TMTC1: variants seen among roughly 807,000 people sequenced by gnomAD.
TMTC1 encodes the protein transmembrane O-mannosyltransferase targeting cadherins 1, also known as protein O-mannosyl-transferase TMTC1.
A neutral mutation model predicts 104.8 loss-of-function variants in TMTC1; 73 were observed. That is an observed-to-expected ratio of 0.70 (90% CI 0.58 to 0.85). The LOEUF (loss-of-function observed/expected upper bound fraction) is 0.85, where lower values mean the gene tolerates loss of function less well. TMTC1 is among the 40% of genes least tolerant of loss of function. The probability of loss-of-function intolerance (pLI) is 0.00; values close to 1 mark genes in which losing one functional copy is unlikely to be tolerated. For missense variants in TMTC1, 1,035 were observed against 1,096.1 expected (o/e 0.94, Z 0.79); for synonymous variants, 434 against 428.7 (o/e 1.01, Z -0.15).
At chr12:29,765,161 T>C (rs1459225004) in intron 2 of TMTC1, among the ~76,000 whole-genome samples, 2 of 152,192 alleles carry the variant, frequency 1.3e-5, no homozygotes, top group Non-Finnish European at 1.5e-5. Context: ...TCATATTTTA[T>C]CCAAAAAGAA....
Position 29,783,512 on chromosome 12 carries a change from GC to G in TMTC1, c.239del (p.Gly80AlafsTer23). The G allele has an allele frequency of 7.0e-7, 1 of 1,437,002 alleles. No homozygotes were observed. 89.0% of individuals were successfully genotyped at this position (1,437,002 alleles called of 1,614,324 possible). A position where few individuals can be genotyped will look rare whatever the true frequency, so the allele number is the denominator to read the frequency against. On this transcript the variant is annotated frameshift_variant, in exon 1 of 18. Coordinates refer to ENST00000539277, the MANE Select transcript of TMTC1 (RefSeq NM_001193451.2). LOFTEE classifies it high-confidence loss of function. This position sits in a 1 kb window ranked among gnomAD's most constrained non-coding sequence, Gnocchi z 4.7. ...RWGIFTNDFW[G>X]KGMAENTSHK... ...GGCTGGTGTTCTCGGCCATGCCCTTGCCCCAGAAGTCGTTGGTGAAGATGCC... is the reference window on the plus strand; with the variant it reads ...GGCTGGTGTTCTCGGCCATGCCCTTGCCCAGAAGTCGTTGGTGAAGATGCC...
intron 5 of TMTC1, among the ~76,000 whole-genome samples, chr12:29,720,150 C>G (rs1392631165): frequency 6.6e-6 from 1 of 152,206 alleles, no homozygotes; most frequent in East Asian, 1.9e-4. Context: ...TGTTTGAACT[C>G]CATTCATGTG....
chr12:29,755,970 G>T, intron 3 of TMTC1, 85 bp from the exon 4 acceptor site: 2 of 1,366,294 alleles, frequency 1.5e-6, no homozygotes, highest in South Asian at 1.4e-5. Flanking sequence ...AAGATCTAAT[G>T]TCAATTTCAT....
chr12:29,741,154 T>A (rs1209529024), intron 5 of TMTC1, among the ~76,000 whole-genome samples: 3 of 152,216 alleles, frequency 2.0e-5, no homozygotes, highest in African/African-American at 4.8e-5. Flanking sequence ...TAATCTTTTT[T>A]AAATATTGAC....
chr12:29,671,455 T>C (rs1306296460), intron 5 of TMTC1, among the ~76,000 whole-genome samples: 1 of 152,158 alleles, frequency 6.6e-6, no homozygotes, highest in Admixed American at 6.5e-5. Context: ...AGAAGCAATA[T>C]AGAAAAAGCA....
At chr12:29,740,731 C>T (rs1342751677) in intron 5 of TMTC1, among the ~76,000 whole-genome samples, 2 of 152,138 alleles carry the variant, frequency 1.3e-5, no homozygotes, top group African/African-American at 2.4e-5. Context: ...CTCGGCCTTC[C>T]ATGGTGCTAG....
chr12:29,640,302 G>C (rs1025910128), intron 5 of TMTC1, among the ~76,000 whole-genome samples: 6 of 151,910 alleles, frequency 3.9e-5, no homozygotes, highest in African/African-American at 1.5e-4. Context: ...CGGCAGACAG[G>C]AGGCAGGAAC....
intron 5 of TMTC1, among the ~76,000 whole-genome samples, chr12:29,667,171 G>A (rs892773300): frequency 6.6e-6 from 1 of 152,180 alleles, no homozygotes. Context: ...TCTCTTTAAT[G>A]TACTTTCCTT....
intron 5 of TMTC1, among the ~76,000 whole-genome samples, chr12:29,700,415 C>A (rs553531881): frequency 1.3e-5 from 2 of 151,778 alleles, no homozygotes. Context: ...GTTGTCCAGG[C>A]GGGTCTCAAA....
Position 29,506,814 on chromosome 12 carries a change from A to G in TMTC1, c.*32T>C, listed in dbSNP as rs372067797. 6.8e-5 allele frequency: 110 copies of G among 1,613,344 alleles called. No individual in the cohort carries two copies. In the African/African-American group the frequency reaches 1.4e-3, roughly 20 times the overall value. On this transcript the variant is annotated 3_prime_UTR_variant, in exon 18 of 18. Transcript: ENST00000539277. ...ATCACTCCCCTTTCAGAGGCACCAC[A>G]TTATCCTATGAGGTTGGGTCAGACG...
At chr12:29,525,185 TTTTTTTTTTTTTTTTG>T in intron 11 of TMTC1, among the ~76,000 whole-genome samples, 1 of 62,858 alleles carries the variant, frequency 1.6e-5, no homozygotes, top group African/African-American at 1.1e-4. Flanking sequence ...TTTTTTTTTT[TTTTTTTTTTTTTTTTG>T]AGATGGAGTT....
At chr12:29,719,622 C>T (rs978572399) in intron 5 of TMTC1, among the ~76,000 whole-genome samples, 14 of 152,198 alleles carry the variant, frequency 9.2e-5, no homozygotes, top group African/African-American at 3.4e-4. Flanking sequence ...CAGGATGTCT[C>T]TCATTGACTC....
At chr12:29,621,995 G>T (rs1937699142) in intron 6 of TMTC1, among the ~76,000 whole-genome samples, 1 of 152,072 alleles carries the variant, frequency 6.6e-6, no homozygotes, top group Non-Finnish European at 1.5e-5. Context: ...CACAGCCTGT[G>T]ATTTGTGTTG....
intron 8 of TMTC1, among the ~76,000 whole-genome samples, chr12:29,572,737 G>A (rs909655477): frequency 3.3e-5 from 5 of 152,140 alleles, no homozygotes; most frequent in Admixed American, 2.0e-4. Context: ...AATTACAAAC[G>A]CTTTTCCTTC....
intron 5 of TMTC1, among the ~76,000 whole-genome samples, chr12:29,677,710 T>A (rs1940778235): frequency 6.6e-6 from 1 of 152,226 alleles, no homozygotes; most frequent in Non-Finnish European, 1.5e-5. Context: ...CCTCCCTGTG[T>A]CCGGCATATC....
chr12:29,706,484 A>G (rs1367181378), intron 5 of TMTC1, among the ~76,000 whole-genome samples: 1 of 152,216 alleles, frequency 6.6e-6, no homozygotes, highest in Non-Finnish European at 1.5e-5. Flanking sequence ...TGAATGAGCC[A>G]CAATGCTAAT....
intron 5 of TMTC1, among the ~76,000 whole-genome samples, chr12:29,678,842 C>G (rs891194832): frequency 1.3e-5 from 2 of 151,838 alleles, no homozygotes; most frequent in African/African-American, 4.8e-5. Flanking sequence ...ATATGGCTAC[C>G]ATGAAATGGA....
chr12:29,684,112 G>A (rs962076510), intron 5 of TMTC1, among the ~76,000 whole-genome samples: 3 of 152,166 alleles, frequency 2.0e-5, no homozygotes, highest in Non-Finnish European at 4.4e-5. Context: ...CCAAAGTGCT[G>A]CGATTACAGG....
intron 5 of TMTC1, among the ~76,000 whole-genome samples, chr12:29,646,138 T>C (rs536878112): frequency 6.6e-6 from 1 of 152,190 alleles, no homozygotes; most frequent in Admixed American, 6.5e-5. Context: ...TGGTGTCTCA[T>C]GGAGAAGCAC....
Sources: allele counts gnomAD v4.1 joint callset (sites outside exome capture counted in the v4.1 genomes callset), GRCh38; gene constraint gnomAD v4.1.1; non-coding constraint Gnocchi (gnomAD v3.1); transcripts MANE v1.5; gene names NCBI Gene and HGNC (gene_info 2026-07-23, HGNC 2026-07-21).